The following SEC14L1 variants were observed in gnomAD, a reference collection of about 807,000 sequenced individuals.
The protein encoded by SEC14L1 is SEC14 like lipid binding 1.
A neutral mutation model predicts 85.3 loss-of-function variants in SEC14L1; 48 were observed. That is an observed-to-expected ratio of 0.56 (90% CI 0.45 to 0.72). The LOEUF is 0.72. Among genes scored for constraint, SEC14L1 ranks in the 30% least tolerant of loss-of-function variants. The pLI is 0.00. For synonymous variants in SEC14L1, 391 were observed against 355.5 expected (o/e 1.10, Z -1.12); for missense variants, 682 against 921.4 (o/e 0.74, Z 3.36).
chr17:77,164,631 T>C (rs1016369040), intron 3 of SEC14L1, among the ~76,000 whole-genome samples: 1 of 152,202 alleles, frequency 6.6e-6, no homozygotes, highest in Non-Finnish European at 1.5e-5. Flanking sequence ...GGTTTGTGTC[T>C]TAGTCCTAGA....
intron 3 of SEC14L1, among the ~76,000 whole-genome samples, chr17:77,113,707 C>T (rs1050076167): frequency 1.3e-5 from 2 of 152,136 alleles, no homozygotes; most frequent in Non-Finnish European, 2.9e-5. Flanking sequence ...AATTGCGCCA[C>T]TGCACTCCAG....
intron 3 of SEC14L1, among the ~76,000 whole-genome samples, chr17:77,128,299 G>A (rs1338450110): frequency 6.6e-6 from 1 of 152,178 alleles, no homozygotes; most frequent in South Asian, 2.1e-4. Context: ...GCACCAGCAC[G>A]GCGCCTGACC....
rs989006520 is a variant in SEC14L1, at chr17:77,214,185, C to T, written c.*162C>T. The T allele has an allele frequency of 2.8e-6, 4 of 1,416,056 alleles. No homozygotes were observed. Among genetic ancestry groups the T allele is most frequent in the Admixed American group, 6.3e-5 (2 of 31,770 alleles). The allele number at this position is 1,416,056 out of a possible 1,614,324, so 87.7% of individuals were successfully genotyped here. A position where few individuals can be genotyped will look rare whatever the true frequency, so the allele number is the denominator to read the frequency against. The stretch of plus-strand genomic sequence containing the variant: ...CGTAGTCGTTTGATCCCAAAACTAC[C>T]TTGGCAGGTAGTTTTAACTCTGATC... On this transcript the variant is annotated 3_prime_UTR_variant, in exon 17 of 17. Transcript: ENST00000436233.
intron 3 of SEC14L1, among the ~76,000 whole-genome samples, chr17:77,160,480 C>A (rs529854671): frequency 6.6e-6 from 1 of 152,306 alleles, no homozygotes; most frequent in South Asian, 2.1e-4. Context: ...ATGCTTTCAG[C>A]ATCATGTGAT....
At chr17:77,134,149 G>A (rs1050190582) in intron 3 of SEC14L1, among the ~76,000 whole-genome samples, 1 of 151,944 alleles carries the variant, frequency 6.6e-6, no homozygotes, top group Non-Finnish European at 1.5e-5. Context: ...CACTTACCCT[G>A]CCCGGTGTTG....
At chr17:77,154,107 C>T (rs769394546) in intron 3 of SEC14L1, among the ~76,000 whole-genome samples, 8 of 152,052 alleles carry the variant, frequency 5.3e-5, no homozygotes, top group Admixed American at 2.0e-4. Context: ...ACAAATAAAA[C>T]GCATGCAACA....
chr17:77,108,536 A>G (rs1023111312), intron 3 of SEC14L1, among the ~76,000 whole-genome samples: 1 of 152,098 alleles, frequency 6.6e-6, no homozygotes, highest in Admixed American at 6.6e-5. Flanking sequence ...CAGGAGTTTG[A>G]GACCAGCTTG....
At chr17:77,172,148 C>T (rs1010084088) in intron 3 of SEC14L1, among the ~76,000 whole-genome samples, 8 of 152,058 alleles carry the variant, frequency 5.3e-5, no homozygotes, top group African/African-American at 1.9e-4. Flanking sequence ...AGATAACAAA[C>T]TGAGGAGCGA....
chr17:77,133,139 T>C (rs1229102618), intron 3 of SEC14L1, among the ~76,000 whole-genome samples: 1 of 152,082 alleles, frequency 6.6e-6, no homozygotes, highest in East Asian at 1.9e-4. Context: ...TCCCAAAGTG[T>C]TGAGATTACA....
At chr17:77,090,507 A>T (rs1260389408) in intron 2 of SEC14L1, among the ~76,000 whole-genome samples, 6 of 105,276 alleles carry the variant, frequency 5.7e-5, no homozygotes, top group African/African-American at 3.1e-4. Context: ...TTAATTATTA[A>T]AAAAAAAAAA....
chr17:77,167,226 C>T (rs1024472073), intron 3 of SEC14L1, among the ~76,000 whole-genome samples: 2 of 147,174 alleles, frequency 1.4e-5, no homozygotes, highest in East Asian at 4.1e-4. Flanking sequence ...CCTCCCAATT[C>T]ATTGTTGAAG....
At chr17:77,202,567 C>G (rs1019678716) in intron 9 of SEC14L1, among the ~76,000 whole-genome samples, 1 of 151,342 alleles carries the variant, frequency 6.6e-6, no homozygotes, top group Non-Finnish European at 1.5e-5. Flanking sequence ...TGCAGTGAGC[C>G]GAGATCGTGC....
upstream of SEC14L1, among the ~76,000 whole-genome samples, chr17:77,137,008 C>T (rs182019310): frequency 2.3e-4 from 35 of 151,470 alleles, no homozygotes; most frequent in South Asian, 8.3e-4. Context: ...CTCCCAGGTT[C>T]AAGCAATTCT....
chr17:77,096,332 G>T (rs548224868), intron 3 of SEC14L1, among the ~76,000 whole-genome samples: 8 of 135,910 alleles, frequency 5.9e-5, no homozygotes, highest in African/African-American at 2.1e-4. Flanking sequence ...CAAGGCAGGC[G>T]GATCACCTGA....
intron 3 of SEC14L1, chr17:77,144,906 C>T (rs1398743410): frequency 1.3e-5 from 2 of 150,510 alleles, no homozygotes; most frequent in African/African-American, 4.9e-5. Flanking sequence ...GCCACCTCTC[C>T]TGGTCTATTT....
intron 3 of SEC14L1, among the ~76,000 whole-genome samples, chr17:77,098,359 CGTG>C (rs1971697384): frequency 6.6e-6 from 1 of 151,916 alleles, no homozygotes; most frequent in Admixed American, 6.6e-5. Context: ...ATTAGTCAGG[CGTG>C]GTGGTGCATA....
At position 77,141,116 on chromosome 17, in the gene SEC14L1, GT is replaced by G. The variant is rs1972996061; in HGVS notation, c.-136+10del. 3 of 151,508 alleles carry G rather than the reference GT, an allele frequency of 2.0e-5. No individual in the cohort carries two copies. Among genetic ancestry groups the G allele is most frequent in the Admixed American group, 2.0e-4 (3 of 15,240 alleles). 9.4% of individuals were successfully genotyped at this position (151,508 alleles called of 1,614,324 possible). A position where few individuals can be genotyped will look rare whatever the true frequency, so the allele number is the denominator to read the frequency against. On this transcript the variant is annotated intron_variant, in intron 1 of 16. Transcript: ENST00000436233. ...GGCCTTTCTGACAAGAGGTAGGCGCGTCGTCGCGGCGGGTCCGAGTGCGCCC... is the reference window on the plus strand; with the variant it reads ...GGCCTTTCTGACAAGAGGTAGGCGCGCGTCGCGGCGGGTCCGAGTGCGCCC...
intron 3 of SEC14L1, among the ~76,000 whole-genome samples, chr17:77,166,154 T>C (rs1251177574): frequency 1.3e-5 from 2 of 152,210 alleles, no homozygotes; most frequent in Non-Finnish European, 2.9e-5. Flanking sequence ...TTGCCCAGGC[T>C]GCTGTCGAAC....
Position 77,216,455 on chromosome 17 carries a change from C to T in SEC14L1, c.*2432C>T, listed in dbSNP as rs912117583. The T allele has an allele frequency of 1.4e-5, 22 of 1,607,112 alleles. No individual in the cohort carries two copies. The highest frequency in any genetic ancestry group is 4.5e-5 in the East Asian group (2 of 44,762). On this transcript the variant is annotated 3_prime_UTR_variant, in exon 17 of 17. Coordinates refer to ENST00000436233, the MANE Select transcript of SEC14L1 (RefSeq NM_001143998.2). ...GGGTTCGTAGGTAGGGTTAGTAGCG[C>T]GTCTGTGCTGCTTCCACCTGGTGCT... is the stretch of plus-strand genomic sequence containing the variant.
Sources: allele counts gnomAD v4.1 joint callset (sites outside exome capture counted in the v4.1 genomes callset), GRCh38; gene constraint gnomAD v4.1.1; transcripts MANE v1.5; gene names NCBI Gene and HGNC (gene_info 2026-07-23, HGNC 2026-07-21).